The following PHIP variants were observed in gnomAD, a reference collection of about 807,000 sequenced individuals.
PHIP encodes PHIP subunit of CUL4-Ring ligase complex.
A neutral mutation model predicts 236.8 loss-of-function variants in PHIP; 54 were observed. That is an observed-to-expected ratio of 0.23 (90% confidence interval 0.18 to 0.29). The LOEUF (loss-of-function observed/expected upper bound fraction) is 0.29, where lower values mean the gene tolerates loss of function less well. Among genes scored for constraint, PHIP ranks in the 10% least tolerant of loss-of-function variants. PHIP has a pLI of 1.00. For synonymous variants in PHIP, 756 were observed against 718.9 expected (o/e 1.05, Z -0.83); for missense variants, 1,370 against 2,190.8 (o/e 0.63, Z 7.48).
chr6:79,025,516 G>C lies in PHIP; in HGVS notation c.923+3C>G, dbSNP rs747091686. On this transcript the variant is annotated splice_donor_region_variant and intron_variant, in intron 9 of 39. Transcript: ENST00000275034. ...TAATCTATGAAATAAAATAGAAACTGACTTTATTTTAAGGGTTCCAGCATC... is the reference window on the plus strand; with the variant it reads ...TAATCTATGAAATAAAATAGAAACTCACTTTATTTTAAGGGTTCCAGCATC... 6.5e-7 allele frequency: 1 copy of C among 1,550,172 alleles called. No individual in the cohort carries two copies. Among genetic ancestry groups the C allele is most frequent in the Admixed American group, 1.7e-5 (1 of 59,540 alleles).
intron 13 of PHIP, among the ~76,000 whole-genome samples, chr6:79,016,105 T>TG (rs548806365): frequency 2.6e-5 from 4 of 152,096 alleles, no homozygotes; most frequent in African/African-American, 9.6e-5. Context: ...CATCCCCTGC[T>TG]GACTGTTCTG....
At chr6:79,059,622 TATAA>T (rs1489239685) in intron 6 of PHIP, among the ~76,000 whole-genome samples, 9,684 of 83,096 alleles carry the variant, frequency 0.12, 515 homozygotes, top group East Asian at 0.25. Context: ...TATATATATA[TATAA>T]AAATGCCAAA....
At chr6:78,957,045 T>C (rs1221912151) in intron 32 of PHIP, 2 of 152,042 alleles carry the variant, frequency 1.3e-5, no homozygotes, top group African/African-American at 4.8e-5. Context: ...AAAGTATTTT[T>C]AAACAAACTA....
intron 16 of PHIP, 29 bp downstream of exon 16, chr6:79,003,698 TAAG>T: frequency 6.8e-7 from 1 of 1,471,494 alleles, no homozygotes; most frequent in Non-Finnish European, 9.1e-7. Context: ...TAAAAAAAAA[TAAG>T]GACATGATAT....
At chr6:79,016,698 T>C in intron 12 of PHIP, 56 bp from the exon 13 acceptor site, 3 of 1,042,472 alleles carry the variant, frequency 2.9e-6, no homozygotes, top group East Asian at 5.1e-5. Context: ...TTTACCAAAA[T>C]GCACTTTTCC....
chr6:79,044,967 G>A (rs1013360551), intron 6 of PHIP, among the ~76,000 whole-genome samples: 4 of 152,084 alleles, frequency 2.6e-5, no homozygotes, highest in African/African-American at 9.6e-5. Context: ...TGAAAAAAAA[G>A]AATAACCTTT....
chr6:79,078,212 C>CGGA lies in PHIP; in HGVS notation c.-147_-145dup, dbSNP rs989201895. On this transcript the variant is annotated 5_prime_UTR_variant, in exon 1 of 40. Coordinates refer to ENST00000275034, the MANE Select transcript of PHIP (RefSeq NM_017934.7). ...ACCATTCAAGCAACGGCGGCGGAGG[C>CGGA]GGAGGAGGAGGAGGAGGAAACAACA... 136 of 728,430 alleles carry CGGA rather than the reference C, an allele frequency of 1.9e-4. 1 individual carries two copies. The highest frequency in any genetic ancestry group is 1.0e-3 in the South Asian group (59 of 56,260). 45.1% of individuals were successfully genotyped at this position (728,430 alleles called of 1,614,324 possible). A position where few individuals can be genotyped will look rare whatever the true frequency, so the allele number is the denominator to read the frequency against.
chr6:78,971,505 A>G (rs919757798), intron 24 of PHIP, among the ~76,000 whole-genome samples: 1 of 152,128 alleles, frequency 6.6e-6, no homozygotes, highest in African/African-American at 2.4e-5. Context: ...ATTCATTAAT[A>G]CCATTATTGC....
intron 35 of PHIP, among the ~76,000 whole-genome samples, chr6:78,950,687 T>C (rs1311265632): frequency 1.3e-5 from 2 of 152,160 alleles, no homozygotes; most frequent in African/African-American, 4.8e-5. Flanking sequence ...TCTACAGTGA[T>C]ATGCTCTATA....
intron 39 of PHIP, 90 bp downstream of exon 39, chr6:78,945,210 C>T: frequency 2.0e-6 from 2 of 981,458 alleles, no homozygotes; most frequent in Admixed American, 3.9e-5. Context: ...AGTGGGCAAC[C>T]TGAAAAGTGG....
chr6:79,019,927 ATGTAATG>A (rs999472941), intron 9 of PHIP, among the ~76,000 whole-genome samples: 3 of 152,166 alleles, frequency 2.0e-5, no homozygotes, highest in African/African-American at 7.2e-5. Flanking sequence ...AACAATGTGT[ATGTAATG>A]TTCCAATATA....
chr6:79,077,700 C>T lies in PHIP; in HGVS notation c.129G>A (p.Glu43=). 1 of 1,010,810 alleles carries T rather than the reference C, an allele frequency of 9.9e-7. No homozygotes were observed. Among genetic ancestry groups the T allele is most frequent in the Non-Finnish European group, 1.2e-6 (1 of 848,328 alleles). The allele number at this position is 1,010,810 out of a possible 1,614,324, so 62.6% of individuals were successfully genotyped here. ...QVLIREVAEK[E]LLPRRTDWTG... ...CGCGCCGGGCCGCCGCCGCCCTTAC[C>T]TCCTTCTCGGCCACCTCGCGGATCA... The change falls in exon 3 of 40, where the codon GAG becomes GAA. Residue 43 remains glutamate (E), a splice_region_variant and synonymous_variant. Coordinates refer to ENST00000275034, the MANE Select transcript of PHIP (RefSeq NM_017934.7).
intron 23 of PHIP, among the ~76,000 whole-genome samples, chr6:78,981,976 T>G (rs1670078684): frequency 6.6e-6 from 1 of 151,954 alleles, no homozygotes; most frequent in South Asian, 2.1e-4. Context: ...TCAACAAATG[T>G]AGATAAAATA....
At chr6:78,984,051 C>T (rs1006040506) in intron 22 of PHIP, among the ~76,000 whole-genome samples, 2 of 151,976 alleles carry the variant, frequency 1.3e-5, no homozygotes, top group African/African-American at 2.4e-5. Flanking sequence ...GATATATGAC[C>T]TCATGCCTCT....
chr6:78,972,125 CCT>C (rs1406614533), intron 24 of PHIP, among the ~76,000 whole-genome samples: 2 of 152,110 alleles, frequency 1.3e-5, no homozygotes, highest in Non-Finnish European at 2.9e-5. Flanking sequence ...CTTAAATGTC[CCT>C]GTCTGACAGC....
chr6:78,973,110 T>C lies in PHIP; in HGVS notation c.2890-2222A>G, dbSNP rs1420638535. ...CAAAGTTGAAATGAAGGAAAAAATGTTAAGGGCAGCCAGAGAGAAAGGTCG... is the reference window on the plus strand; with the variant it reads ...CAAAGTTGAAATGAAGGAAAAAATGCTAAGGGCAGCCAGAGAGAAAGGTCG... On this transcript the variant is annotated intron_variant, in intron 24 of 39. Transcript: ENST00000275034. Among the ~76,000 whole-genome samples the C allele has an allele frequency of 2.0e-5, 3 of 152,018 alleles. No individual in the cohort carries two copies. In the East Asian group the frequency reaches 5.8e-4, roughly 29 times the overall value.
intron 16 of PHIP, among the ~76,000 whole-genome samples, chr6:79,003,270 T>C (rs1326298629): frequency 5.3e-5 from 8 of 151,994 alleles, no homozygotes; most frequent in Non-Finnish European, 8.8e-5. Flanking sequence ...CCCCAAAAAC[T>C]GGACAGGATC....
At chr6:79,059,232 GGAGA>G (rs914715728) in intron 6 of PHIP, among the ~76,000 whole-genome samples, 3 of 151,942 alleles carry the variant, frequency 2.0e-5, no homozygotes, top group African/African-American at 4.8e-5. Flanking sequence ...CCATAGGAAA[GGAGA>G]GAGAAAGGAA....
intron 25 of PHIP, 32 bp downstream of exon 25, chr6:78,970,749 T>TG (rs1416867513): frequency 6.0e-6 from 8 of 1,329,024 alleles, no homozygotes; most frequent in Non-Finnish European, 5.3e-6. Context: ...ATTGTATTTT[T>TG]GGGGCTATTA....
Sources: gnomAD v4.1 joint callset for allele counts (sites outside exome capture counted in the v4.1 genomes callset) on GRCh38, gnomAD v4.1.1 for gene constraint, MANE v1.5 for transcripts, NCBI Gene and HGNC (gene_info 2026-07-23, HGNC 2026-07-21) for gene names.